Variants in ETF1 observed in about 807,000 individuals in gnomAD.
ETF1 encodes eukaryotic peptide chain release factor subunit 1.
In ETF1, 4 loss-of-function variants were observed where a neutral mutation model predicts 55.1. The observed-to-expected ratio is 0.07, with a 90% CI of 0.04 to 0.17. The LOEUF (loss-of-function observed/expected upper bound fraction) is 0.17. Ranked by LOEUF, ETF1 falls within the 10% of genes least tolerant of loss-of-function variation. The probability of loss-of-function intolerance (pLI) is 1.00; values close to 1 mark genes in which losing one functional copy is unlikely to be tolerated. For missense variants in ETF1, 142 were observed against 523.6 expected (o/e 0.27, Z 7.11); for synonymous variants, 157 against 182.3 (o/e 0.86, Z 1.12).
At chr5:138,527,752 G>A (rs1036802106) in intron 2 of ETF1, among the ~76,000 whole-genome samples, 8 of 152,142 alleles carry the variant, frequency 5.3e-5, no homozygotes, top group African/African-American at 1.9e-4. Context: ...TACAACCCTA[G>A]GGGTTTGTAG....
At chr5:138,541,705 C>T in intron 2 of ETF1, 1 of 1,348,100 alleles carries the variant, frequency 7.4e-7, no homozygotes, top group East Asian at 3.0e-5. Flanking sequence ...GCAGGCCATT[C>T]TACTATTCTA....
chr5:138,526,781 A>G (rs1323576574), intron 2 of ETF1, among the ~76,000 whole-genome samples: 2 of 151,948 alleles, frequency 1.3e-5, no homozygotes, highest in Non-Finnish European at 2.9e-5. Flanking sequence ...GCTCACTGCA[A>G]GCTCTGCCTC....
rs1350523775 is a variant in ETF1 at position 138,535,678 on chromosome 5, G to A, written c.86+7155C>T. Among the ~76,000 whole-genome samples the A allele has an allele frequency of 8.8e-4, 122 of 139,128 alleles. 3 individuals are homozygous for A. Among genetic ancestry groups the A allele is most frequent in the Non-Finnish European group, 2.2e-4 (14 of 64,706 alleles). The allele number at this position is 139,128 out of a possible 152,430, so 91.3% of individuals were successfully genotyped here. On this transcript the variant is annotated intron_variant, in intron 2 of 10. Coordinates refer to ENST00000360541, the MANE Select transcript of ETF1 (RefSeq NM_004730.4). Reference sequence around the variant, plus strand: ...GGAGGTTGCAGTGAGCTGAGATCACGCCACTGCACTCCAGCCTGGGCAAGA... The same window carrying A: ...GGAGGTTGCAGTGAGCTGAGATCACACCACTGCACTCCAGCCTGGGCAAGA...
intron 9 of ETF1, among the ~76,000 whole-genome samples, chr5:138,510,357 C>CAAAAAAAAAAA (rs57906231): frequency 3.1e-4 from 20 of 64,802 alleles, no homozygotes; most frequent in African/African-American, 1.0e-3. Flanking sequence ...GACCTTGTCT[C>CAAAAAAAAAAA]AAAAAAAAAA....
At chr5:138,511,401 C>T (rs968438328) in intron 7 of ETF1, 74 bp downstream of exon 7, 30 of 847,268 alleles carry the variant, frequency 3.5e-5, no homozygotes, top group Non-Finnish European at 4.5e-5. Context: ...CACACACACA[C>T]ATACACACAC....
At chr5:138,510,271 T>C (rs1180674946) in intron 9 of ETF1, among the ~76,000 whole-genome samples, 1 of 139,846 alleles carries the variant, frequency 7.2e-6, no homozygotes, top group African/African-American at 2.7e-5. Flanking sequence ...GGCAAGAGGA[T>C]CACTTGAGCC....
At chr5:138,523,908 G>A (rs1267645326) in intron 2 of ETF1, among the ~76,000 whole-genome samples, 1 of 152,116 alleles carries the variant, frequency 6.6e-6, no homozygotes, top group Non-Finnish European at 1.5e-5. Flanking sequence ...TGGGCATGGT[G>A]GCTCACACCT....
intron 2 of ETF1, among the ~76,000 whole-genome samples, chr5:138,532,280 TG>T (rs1765733757): frequency 6.6e-6 from 1 of 152,154 alleles, no homozygotes; most frequent in Admixed American, 6.5e-5. Flanking sequence ...CTTTTTGATA[TG>T]GGGTTAATAT....
chr5:138,542,623 G>T (rs982121281), intron 2 of ETF1: 1 of 1,420,028 alleles, frequency 7.0e-7, no homozygotes, highest in Non-Finnish European at 9.2e-7. Flanking sequence ...CGGGGAGCGC[G>T]GGCCCCTTAC....
At chr5:138,525,399 G>A (rs1022039881) in intron 2 of ETF1, among the ~76,000 whole-genome samples, 7 of 151,172 alleles carry the variant, frequency 4.6e-5, no homozygotes, top group East Asian at 2.0e-4. Context: ...CTCGTGATCC[G>A]CCTGCCTCAG....
intron 2 of ETF1, among the ~76,000 whole-genome samples, chr5:138,525,892 G>C (rs1309359065): frequency 6.8e-6 from 1 of 147,932 alleles, no homozygotes; most frequent in Non-Finnish European, 1.5e-5. Flanking sequence ...GTTGCAGTGA[G>C]CAGAGATCAC....
chr5:138,513,227 T>C (rs1354846653), intron 5 of ETF1: 1 of 984,432 alleles, frequency 1.0e-6, no homozygotes, highest in East Asian at 1.1e-4. Flanking sequence ...CACATCATAC[T>C]GTTTTCTCTC....
In ETF1 at chr5:138,543,222, C is replaced by T. The variant is rs368241109; in HGVS notation, c.-144G>A. 54 of 477,910 alleles carry T rather than the reference C, an allele frequency of 1.1e-4. No individual in the cohort carries two copies. The highest frequency in any genetic ancestry group is 9.5e-4 in the African/African-American group (47 of 49,574). 29.6% of individuals were successfully genotyped at this position (477,910 alleles called of 1,614,324 possible). On this transcript the variant is annotated 5_prime_UTR_variant, in exon 1 of 11. The change creates a new upstream start codon in the 5' untranslated region. Coordinates refer to ENST00000360541, the MANE Select transcript of ETF1 (RefSeq NM_004730.4). ...AGCTGCATGTGTTGCAATCCGCTCA[C>T]ATGGGGCCTGTGACATCACTTCCTC...
At chr5:138,523,651 G>A (rs774659604) in intron 2 of ETF1, among the ~76,000 whole-genome samples, 8 of 152,210 alleles carry the variant, frequency 5.3e-5, no homozygotes, top group Non-Finnish European at 8.8e-5. Flanking sequence ...GAGGAATGCA[G>A]AGTGATTGTT....
intron 4 of ETF1, 163 bp from the exon 5 acceptor site, chr5:138,513,869 G>GT: frequency 1.3e-6 from 1 of 786,520 alleles, no homozygotes; most frequent in Non-Finnish European, 1.5e-6. Flanking sequence ...TTATAAACAT[G>GT]TAACTCTTAT....
At chr5:138,535,073 C>T (rs1765862346) in intron 2 of ETF1, among the ~76,000 whole-genome samples, 1 of 151,628 alleles carries the variant, frequency 6.6e-6, no homozygotes, top group African/African-American at 2.4e-5. Context: ...GCCTCAGCCT[C>T]CCGAGTAGCT....
chr5:138,538,113 C>T (rs545242344), intron 2 of ETF1, among the ~76,000 whole-genome samples: 1 of 148,588 alleles, frequency 6.7e-6, no homozygotes, highest in African/African-American at 2.5e-5. Context: ...TGGTCTCAAA[C>T]TCCTGACCTC....
At chr5:138,542,530 AGAGG>A (rs1394170317) in intron 2 of ETF1, 16 of 968,484 alleles carry the variant, frequency 1.7e-5, no homozygotes, top group Non-Finnish European at 1.7e-5. Context: ...TGGAGCCCGA[AGAGG>A]GAGGACCTGG....
In ETF1 at chr5:138,513,456, G is replaced by A. The variant is rs995515556; in HGVS notation, c.541+112C>T. The A allele has an allele frequency of 1.6e-4, 155 of 940,302 alleles. 1 individual carries two copies. The East Asian group carries it at 3.6e-3, about 22-fold the overall frequency. 58.2% of individuals were successfully genotyped at this position (940,302 alleles called of 1,614,324 possible). ...TCTGACTTCGTGATCCACCCGGCTC[G>A]GCCTCCCAAAGTGCTGGGATTACAG... On this transcript the variant is annotated intron_variant, in intron 5 of 10. Transcript: ENST00000360541.
Sources: allele counts gnomAD v4.1 joint callset (sites outside exome capture counted in the v4.1 genomes callset), GRCh38; gene constraint gnomAD v4.1.1; transcripts MANE v1.5; gene names NCBI Gene and HGNC (gene_info 2026-07-23, HGNC 2026-07-21).